UTS2B: variants seen among roughly 807,000 people sequenced by gnomAD.
The protein encoded by UTS2B is urotensin-2B.
Under a neutral mutation model 19.2 loss-of-function variants are expected in UTS2B, and 21 were observed. The ratio of observed to expected loss-of-function variants is 1.09; its 90% CI spans 0.78 to 1.58. The LOEUF (loss-of-function observed/expected upper bound fraction) is 1.58. UTS2B is among the 40% of genes most tolerant of loss of function. The pLI, the probability that UTS2B is intolerant of heterozygous loss-of-function variation, is 0.00. For synonymous variants in UTS2B, 57 were observed against 50.2 expected (o/e 1.14, Z -0.58); for missense variants, 138 against 130.3 (o/e 1.06, Z -0.29).
intron 4 of UTS2B, among the ~76,000 whole-genome samples, chr3:191,289,395 C>T (rs1459499552): frequency 1.4e-5 from 2 of 145,278 alleles, no homozygotes; most frequent in Non-Finnish European, 1.5e-5. Context: ...GGCAACAGAC[C>T]AAGACTCCAT....
chr3:191,339,658 T>C, the UTS2B span, among the ~76,000 whole-genome samples: 4 of 152,182 alleles, frequency 2.6e-5, no homozygotes, highest in Non-Finnish European at 4.4e-5. Flanking sequence ...ATGGAAAGTG[T>C]TGACTTTCCC....
At chr3:191,313,288 C>T (rs951357810) in intron 3 of UTS2B, among the ~76,000 whole-genome samples, 1 of 152,190 alleles carries the variant, frequency 6.6e-6, no homozygotes, top group Non-Finnish European at 1.5e-5. Context: ...AGCCACAGCA[C>T]CCAGCTTAAA....
At chr3:191,287,800 T>TATAAA (rs1716598109) in intron 4 of UTS2B, among the ~76,000 whole-genome samples, 1 of 151,444 alleles carries the variant, frequency 6.6e-6, no homozygotes, top group Non-Finnish European at 1.5e-5. Flanking sequence ...CCAGAACAAT[T>TATAAA]AGAAAAAAAG....
chr3:191,267,554 A>G lies in UTS2B; in HGVS notation c.*862T>C, dbSNP rs1025671506. 1.3e-5 allele frequency: 2 copies of G among 152,172 alleles called. No homozygotes were observed. The highest frequency in any genetic ancestry group is 2.9e-5 in the Non-Finnish European group (2 of 68,028). The allele number at this position is 152,172 out of a possible 1,614,324, so 9.4% of individuals were successfully genotyped here. A position where few individuals can be genotyped will look rare whatever the true frequency, so the allele number is the denominator to read the frequency against. On this transcript the variant is annotated 3_prime_UTR_variant, in exon 9 of 9. Transcript: ENST00000340524. ...AGGTTGAGAAATAACAGACACACAC[A>G]AGATAGTGAAAGCTGGGTCCAGGGG...
In UTS2B at chr3:191,272,808, C is replaced by G. The variant is rs149431914; in HGVS notation, c.334+2444G>C. ...CCCAAAAGGCGAAGGTTGCAGTGAG[C>G]CGAGGTAGCGTGCCATTGCACTCCA... On this transcript the variant is annotated intron_variant, in intron 8 of 8. Coordinates refer to ENST00000340524, the MANE Select transcript of UTS2B (RefSeq NM_198152.5). Among the ~76,000 whole-genome samples the G allele has an allele frequency of 1.5e-4, 22 of 150,930 alleles. No homozygotes were observed. In the East Asian group the frequency reaches 3.9e-3, roughly 27 times the overall value.
At chr3:191,295,673 A>G (rs1398717) in intron 4 of UTS2B, among the ~76,000 whole-genome samples, 58,897 of 151,606 alleles carry the variant, frequency 0.39, 12,103 homozygotes, top group East Asian at 0.64. Context: ...CATGTCACAA[A>G]CTGAACTACT....
chr3:191,325,374 G>C (rs1021913200), intron 2 of UTS2B, among the ~76,000 whole-genome samples: 8 of 152,174 alleles, frequency 5.3e-5, no homozygotes, highest in Non-Finnish European at 1.2e-4. Context: ...GGGGTCTAGG[G>C]TATGTTAGAA....
intron 8 of UTS2B, among the ~76,000 whole-genome samples, chr3:191,273,190 A>G (rs79057539): frequency 3.5e-3 from 537 of 152,314 alleles, no homozygotes; most frequent in Admixed American, 6.9e-3. Context: ...TGGCCACATT[A>G]TATCTGATGA....
intron 3 of UTS2B, among the ~76,000 whole-genome samples, chr3:191,306,665 C>T (rs1418345934): frequency 6.6e-6 from 1 of 152,154 alleles, no homozygotes; most frequent in Non-Finnish European, 1.5e-5. Flanking sequence ...GAGACGGAGT[C>T]TCTTGTCACC....
chr3:191,344,882 A>T, the UTS2B span, among the ~76,000 whole-genome samples: 1 of 152,192 alleles, frequency 6.6e-6, no homozygotes, highest in Admixed American at 6.5e-5. Flanking sequence ...CCCAGCCAGG[A>T]TGCCAATTCT....
At chr3:191,275,375 G>A in intron 7 of UTS2B, 30 bp from the exon 8 acceptor site, 1 of 1,575,486 alleles carries the variant, frequency 6.3e-7, no homozygotes. Context: ...ATAATTAATT[G>A]GTCTTCTATA....
At chr3:191,313,725 CTTTTTTTT>C (rs57398216) in intron 3 of UTS2B, among the ~76,000 whole-genome samples, 6,178 of 109,180 alleles carry the variant, frequency 0.057, 453 homozygotes, top group African/African-American at 0.2. Flanking sequence ...CTCCACTTTC[CTTTTTTTT>C]TTTTTTTTTT....
chr3:191,316,801 A>C (rs1717466524), intron 2 of UTS2B, among the ~76,000 whole-genome samples: 1 of 152,172 alleles, frequency 6.6e-6, no homozygotes, highest in Non-Finnish European at 1.5e-5. Context: ...TGGTGCATTT[A>C]CAAACCTTGA....
upstream of UTS2B, among the ~76,000 whole-genome samples, chr3:191,334,955 CTG>C (rs984431534): frequency 1.3e-5 from 2 of 152,134 alleles, no homozygotes; most frequent in Admixed American, 1.3e-4. Context: ...TCTTGCCTCA[CTG>C]TTTTTTCTAC....
the UTS2B span, among the ~76,000 whole-genome samples, chr3:191,344,828 C>T: frequency 1.3e-5 from 2 of 152,184 alleles, no homozygotes; most frequent in African/African-American, 4.8e-5. Flanking sequence ...TTCTGCCCAC[C>T]TCGGCATCCC....
chr3:191,304,238 G>C (rs1050245134), intron 4 of UTS2B, among the ~76,000 whole-genome samples: 1 of 152,170 alleles, frequency 6.6e-6, no homozygotes, highest in Non-Finnish European at 1.5e-5. Context: ...GATTACAGGC[G>C]TGAGGCACTG....
intron 5 of UTS2B, among the ~76,000 whole-genome samples, chr3:191,281,799 A>G (rs1716394129): frequency 6.6e-6 from 1 of 151,700 alleles, no homozygotes; most frequent in East Asian, 1.9e-4. Flanking sequence ...AGGGACTACA[A>G]ATGAGAAACA....
At chr3:191,303,801 G>A (rs1717063345) in intron 4 of UTS2B, among the ~76,000 whole-genome samples, 2 of 152,126 alleles carry the variant, frequency 1.3e-5, no homozygotes, top group Admixed American at 6.5e-5. Flanking sequence ...AGTTGTCTGC[G>A]GAGTATCACA....
intron 4 of UTS2B, among the ~76,000 whole-genome samples, chr3:191,292,085 C>T (rs1264184780): frequency 1.3e-5 from 2 of 150,494 alleles, no homozygotes; most frequent in African/African-American, 4.9e-5. Flanking sequence ...CCTTGCATTT[C>T]CATATACATT....
Sources: allele counts gnomAD v4.1 joint callset (sites outside exome capture counted in the v4.1 genomes callset), GRCh38; gene constraint gnomAD v4.1.1; transcripts MANE v1.5; gene names NCBI Gene and HGNC (gene_info 2026-07-23, HGNC 2026-07-21).